The following MYO9A variants were observed in gnomAD, a reference collection of about 807,000 sequenced individuals.
The protein encoded by MYO9A is unconventional myosin-IXa.
In MYO9A, 103 loss-of-function variants were observed where a neutral mutation model predicts 293.3. The ratio of observed to expected loss-of-function variants is 0.35; its 90% CI spans 0.30 to 0.41. The LOEUF is 0.41. Ranked by LOEUF, MYO9A falls within the 10% of genes least tolerant of loss-of-function variation. MYO9A has a pLI of 1.00. For missense variants in MYO9A, 2,685 were observed against 3,033.0 expected (o/e 0.89, Z 2.69); for synonymous variants, 1,001 against 1,035.7 (o/e 0.97, Z 0.64).
intron 1 of MYO9A, among the ~76,000 whole-genome samples, chr15:72,072,904 TA>T (rs945563428): frequency 2.7e-5 from 4 of 150,808 alleles, no homozygotes; most frequent in African/African-American, 7.3e-5. Flanking sequence ...AAATTTAAAA[TA>T]AAAAAAAAGA....
intron 1 of MYO9A, chr15:72,116,744 A>G (rs1049844951): frequency 2.6e-5 from 4 of 152,358 alleles, no homozygotes; most frequent in Non-Finnish European, 4.4e-5. Context: ...TATATCCACT[A>G]GTGCAACGTG....
intron 12 of MYO9A, among the ~76,000 whole-genome samples, chr15:71,973,316 T>G (rs1005052243): frequency 1.3e-5 from 2 of 152,186 alleles, no homozygotes; most frequent in African/African-American, 4.8e-5. Context: ...TTCAATTAAT[T>G]TGCATAGTGT....
At chr15:71,983,775 G>A (rs1478596300) in intron 11 of MYO9A, among the ~76,000 whole-genome samples, 1 of 152,038 alleles carries the variant, frequency 6.6e-6, no homozygotes, top group African/African-American at 2.4e-5. Flanking sequence ...GAGCCACCAC[G>A]CCCAGCCTAA....
chr15:72,116,394 G>A (rs1380880443), intron 1 of MYO9A, among the ~76,000 whole-genome samples: 1 of 151,944 alleles, frequency 6.6e-6, no homozygotes, highest in African/African-American at 2.4e-5. Context: ...TTTCTTTCTT[G>A]ACAACTCAGG....
chr15:72,070,168 G>A (rs371841996), intron 1 of MYO9A, among the ~76,000 whole-genome samples: 1 of 150,026 alleles, frequency 6.7e-6, no homozygotes, highest in Non-Finnish European at 1.5e-5. Flanking sequence ...TAGGCCCAGC[G>A]AGGTGGCTCA....
intron 16 of MYO9A, among the ~76,000 whole-genome samples, chr15:71,936,304 G>C (rs145187965): frequency 3.9e-5 from 6 of 152,218 alleles, no homozygotes; most frequent in African/African-American, 1.2e-4. Context: ...GTGATTACCA[G>C]AGACTGGAAA....
At position 71,899,962 on chromosome 15, in the gene MYO9A, T is replaced by C; in HGVS notation, c.3195A>G (p.Ala1065=). 6.2e-7 allele frequency: 1 copy of C among 1,613,322 alleles called. No homozygotes were observed. Among genetic ancestry groups the C allele is most frequent in the Non-Finnish European group, 8.5e-7 (1 of 1,179,356 alleles). Reference sequence around the variant, plus strand: ...TAACAAAAGCATCCTTCTGCACAGCTGCATCTCTGACTTGCTTCTGATTTA... The same window carrying C: ...TAACAAAAGCATCCTTCTGCACAGCCGCATCTCTGACTTGCTTCTGATTTA... ...NYLNQKQVRD[A]AVQKDAFVMA... The change falls in exon 24 of 42, where the codon GCA becomes GCG. Residue 1065 remains alanine, a synonymous_variant. Transcript: ENST00000356056.
Position 71,897,538 on chromosome 15 carries a change from G to A in MYO9A, c.4965C>T (p.His1655=). The A allele has an allele frequency of 6.2e-7, 1 of 1,614,146 alleles. No individual in the cohort carries two copies. Among genetic ancestry groups the A allele is most frequent in the Admixed American group, 1.7e-5 (1 of 60,024 alleles). ...EHFRPTQSYS[H]NSDDLSREGN... ...CCTCTCTGGAAAGGTCATCAGAATT[G>A]TGGCTGTAAGACTGAGTTGGCCTAA... Residue 1655 remains histidine, a synonymous_variant, in exon 25 of 42, where the codon CAC becomes CAT. Transcript: ENST00000356056.
intron 6 of MYO9A, among the ~76,000 whole-genome samples, chr15:72,016,539 ATC>A (rs2077344764): frequency 6.6e-6 from 1 of 152,228 alleles, no homozygotes; most frequent in African/African-American, 2.4e-5. Context: ...TCCTCAAACA[ATC>A]CTCTCTACCT....
chr15:71,998,550 C>CTTTTTTTTT (rs765185033), intron 9 of MYO9A, among the ~76,000 whole-genome samples: 3 of 106,190 alleles, frequency 2.8e-5, no homozygotes, highest in Non-Finnish European at 5.5e-5. Flanking sequence ...ATTTGGCTTT[C>CTTTTTTTTT]TTTTTTTTTT....
chr15:72,051,394 G>GC (rs1046886764), intron 1 of MYO9A, among the ~76,000 whole-genome samples: 11 of 152,226 alleles, frequency 7.2e-5, no homozygotes, highest in African/African-American at 2.6e-4. Context: ...TGCAGCTGCG[G>GC]CCACCTGCCC....
At chr15:71,871,617 G>A (rs531026431) in intron 32 of MYO9A, among the ~76,000 whole-genome samples, 2 of 151,338 alleles carry the variant, frequency 1.3e-5, no homozygotes, top group East Asian at 3.9e-4. Context: ...GCGAGGTTGT[G>A]AGGCTGCAGT....
chr15:72,045,574 G>T, intron 2 of MYO9A, 150 bp downstream of exon 2: 1 of 953,926 alleles, frequency 1.0e-6, no homozygotes, highest in Non-Finnish European at 1.5e-6. Flanking sequence ...CCCTAAATGA[G>T]TTTTTGGAGC....
rs755901127 is a variant in MYO9A at position 72,046,172 on chromosome 15, C to T, written c.392G>A (p.Arg131His). 27 of 1,614,016 alleles carry T rather than the reference C, an allele frequency of 1.7e-5. No homozygotes were observed. The highest frequency in any genetic ancestry group is 4.0e-5 in the African/African-American group (3 of 74,924). The change falls in exon 2 of 42, where the codon CGT becomes CAT. Residue 131 changes from arginine (R) to histidine (H), a missense_variant. Physicochemically the swap from Arg to His is conservative, Grantham distance 29. Around this residue, in one of 10 missense-constraint regions of MYO9A, gnomAD observed 63 missense variants for 57.9 expected, o/e 1.09. Transcript: ENST00000356056. The stretch of plus-strand genomic sequence containing the variant: ...AAAACCCCGTTCCATCATCCTGCGA[C>T]GTTCTTCTGTTACCCGTAGCCATGA... ...LQSWLRVTEE[R>H]RRMMERGFLP...
rs187586490 is a variant in MYO9A at position 71,834,813 on chromosome 15, C to T, written c.6838-4502G>A. Among the ~76,000 whole-genome samples, 6 of 152,106 alleles carry T rather than the reference C, an allele frequency of 3.9e-5. No homozygotes were observed. In the East Asian group the frequency reaches 1.2e-3, roughly 29 times the overall value. On this transcript the variant is annotated intron_variant, in intron 39 of 41. Transcript: ENST00000356056. ...ACAAAAAAGGATTATTATGGGTTAACTTTACTCATAAACACATGCAAAAAT... is the reference window on the plus strand; with the variant it reads ...ACAAAAAAGGATTATTATGGGTTAATTTTACTCATAAACACATGCAAAAAT...
Position 71,895,854 on chromosome 15 carries a change from C to T in MYO9A, c.5042+1607G>A, listed in dbSNP as rs910046068. 2.6e-5 allele frequency among the ~76,000 whole-genome samples: 4 copies of T among 151,850 alleles called. No individual in the cohort carries two copies. The East Asian group carries it at 7.7e-4, about 29-fold the overall frequency. On this transcript the variant is annotated intron_variant, in intron 25 of 41. Transcript: ENST00000356056. Reference sequence around the variant, plus strand: ...TTTAGAATCCACAATTTGTTTTTTACAAAACAAATTCATGGATCCAACAGC... The same window carrying T: ...TTTAGAATCCACAATTTGTTTTTTATAAAACAAATTCATGGATCCAACAGC...
At chr15:72,019,453 G>A (rs954957817) in intron 5 of MYO9A, among the ~76,000 whole-genome samples, 1 of 152,290 alleles carries the variant, frequency 6.6e-6, no homozygotes, top group East Asian at 1.9e-4. Flanking sequence ...TCATTTATGA[G>A]AGAATATTAC....
chr15:72,071,326 A>C (rs2079182944), intron 1 of MYO9A, among the ~76,000 whole-genome samples: 1 of 152,254 alleles, frequency 6.6e-6, no homozygotes, highest in African/African-American at 2.4e-5. Flanking sequence ...AGGGAAATGC[A>C]AATTAAAACC....
rs1196323858 is a variant in MYO9A at position 72,098,099 on chromosome 15, T to G, written c.-72+19581A>C. On this transcript the variant is annotated intron_variant, in intron 1 of 41. Coordinates refer to ENST00000356056, the MANE Select transcript of MYO9A (RefSeq NM_006901.4). ...GCATATACCCCATCCCACACATACT[T>G]TTACAATGTGACTTGACACTTTTCC... 2.6e-5 allele frequency among the ~76,000 whole-genome samples: 4 copies of G among 152,162 alleles called. No individual in the cohort carries two copies. The East Asian group carries it at 7.7e-4, about 29-fold the overall frequency.
Sources: allele counts gnomAD v4.1 joint callset (sites outside exome capture counted in the v4.1 genomes callset), GRCh38; gene constraint gnomAD v4.1.1; regional missense constraint gnomAD v4.1.1; transcripts MANE v1.5; gene names NCBI Gene and HGNC (gene_info 2026-07-23, HGNC 2026-07-21).